Variants in KCNIP1 observed in about 807,000 individuals in gnomAD.
KCNIP1 encodes the protein A-type potassium channel modulatory protein KCNIP1.
KCNIP1 carries 18 observed loss-of-function variants against 33.0 expected under a neutral mutation model. The ratio of observed to expected loss-of-function variants is 0.55; its 90% CI spans 0.38 to 0.81. KCNIP1 has a LOEUF of 0.81. Ranked by LOEUF, KCNIP1 falls within the 30% of genes least tolerant of loss-of-function variation. KCNIP1 has a pLI of 0.00. For synonymous variants in KCNIP1, 93 were observed against 98.3 expected, an observed-to-expected ratio of 0.95 and a Z score of 0.32; for missense variants, 238 against 271.6, an observed-to-expected ratio of 0.88 and a Z score of 0.87.
Position 170,454,916 on chromosome 5 carries a change from C to T in KCNIP1, c.88+100952C>T, listed in dbSNP as rs183802864. Among the ~76,000 whole-genome samples the T allele has an allele frequency of 3.1e-3, 476 of 152,074 alleles. 6 individuals are homozygous for T. Among genetic ancestry groups the T allele is most frequent in the African/African-American group, 0.011 (452 of 41,474 alleles). ...AAAAGAAGAGATAAACCTGGAGTAG[C>T]TATTTCAATGTTAGACAAAATGGAT... is the stretch of plus-strand genomic sequence containing the variant. On this transcript the variant is annotated intron_variant, in intron 1 of 7. Transcript: ENST00000377360.
At chr5:170,558,660 G>GTA (rs1756924926) in intron 1 of KCNIP1, among the ~76,000 whole-genome samples, 1 of 152,178 alleles carries the variant, frequency 6.6e-6, no homozygotes, top group Non-Finnish European at 1.5e-5. Flanking sequence ...CAACCCACCT[G>GTA]TACATTTCCC....
intron 1 of KCNIP1, chr5:170,679,024 A>T (rs1244702358): frequency 3.3e-5 from 5 of 152,212 alleles, no homozygotes; most frequent in African/African-American, 1.2e-4. Flanking sequence ...TAATTATTAC[A>T]CTTGCTAGGG....
intron 1 of KCNIP1, among the ~76,000 whole-genome samples, chr5:170,556,687 G>A (rs1378793846): frequency 1.3e-5 from 2 of 152,228 alleles, no homozygotes; most frequent in Non-Finnish European, 2.9e-5. Flanking sequence ...TGTCTCTTCC[G>A]ATGGTCTCCA....
chr5:170,640,336 C>T (rs935206142), intron 1 of KCNIP1, among the ~76,000 whole-genome samples: 11 of 152,184 alleles, frequency 7.2e-5, no homozygotes, highest in African/African-American at 2.7e-4. Flanking sequence ...AGGGAAGAAA[C>T]CTGTTCAACC....
chr5:170,604,010 G>A (rs1758799604), intron 1 of KCNIP1, among the ~76,000 whole-genome samples: 1 of 152,174 alleles, frequency 6.6e-6, no homozygotes, highest in African/African-American at 2.4e-5. Flanking sequence ...CTGTGAAACT[G>A]GAGAAGAAAA....
intron 1 of KCNIP1, among the ~76,000 whole-genome samples, chr5:170,510,763 G>C (rs1461057083): frequency 6.6e-6 from 1 of 152,160 alleles, no homozygotes; most frequent in Non-Finnish European, 1.5e-5. Flanking sequence ...GCGGTGGGGG[G>C]AAGTAGGAAC....
At position 170,493,045 on chromosome 5, in the gene KCNIP1, G is replaced by A. The variant is rs536218336; in HGVS notation, c.88+139081G>A. On this transcript the variant is annotated intron_variant, in intron 1 of 7. Coordinates refer to the KCNIP1 transcript ENST00000377360. The stretch of plus-strand genomic sequence containing the variant: ...TTACAGGCGTAAGCCACCTCCCCCG[G>A]CCCCTTTCTATGACACCACAGATGG... Among the ~76,000 whole-genome samples, 7 of 152,250 alleles carry A rather than the reference G, an allele frequency of 4.6e-5. No individual in the cohort carries two copies. In the South Asian group the frequency reaches 1.4e-3, roughly 32 times the overall value.
chr5:170,592,507 T>C (rs1212753517), intron 1 of KCNIP1, among the ~76,000 whole-genome samples: 1 of 136,898 alleles, frequency 7.3e-6, no homozygotes, highest in Admixed American at 6.8e-5. Context: ...ACCTACATTA[T>C]TGCACCATAA....
chr5:170,410,504 T>A (rs1755158008), intron 1 of KCNIP1, among the ~76,000 whole-genome samples: 1 of 90,836 alleles, frequency 1.1e-5, no homozygotes, highest in African/African-American at 6.3e-5. Flanking sequence ...GAAGGCTGGC[T>A]TTTTTTTTTT....
chr5:170,691,782 T>C (rs577212089), intron 1 of KCNIP1, among the ~76,000 whole-genome samples: 1 of 152,196 alleles, frequency 6.6e-6, no homozygotes, highest in African/African-American at 2.4e-5. Context: ...CCCCTGAGCG[T>C]TCCTCCTCAG....
intron 1 of KCNIP1, among the ~76,000 whole-genome samples, chr5:170,434,793 T>C (rs1581189413): frequency 6.6e-6 from 1 of 151,874 alleles, no homozygotes. Context: ...CATCTCTACT[T>C]AAAATACAAA....
At chr5:170,529,412 A>T (rs1310813323) in intron 1 of KCNIP1, among the ~76,000 whole-genome samples, 1 of 152,198 alleles carries the variant, frequency 6.6e-6, no homozygotes. Flanking sequence ...CTGGGGACGG[A>T]GGAGTGTTCT....
At chr5:170,705,558 C>A (rs753594246) in intron 1 of KCNIP1, among the ~76,000 whole-genome samples, 1 of 152,146 alleles carries the variant, frequency 6.6e-6, no homozygotes, top group South Asian at 2.1e-4. Context: ...TGTCCACCAC[C>A]CACAGACCCC....
chr5:170,645,008 T>C (rs1760729500), intron 1 of KCNIP1, among the ~76,000 whole-genome samples: 1 of 152,212 alleles, frequency 6.6e-6, no homozygotes, highest in Non-Finnish European at 1.5e-5. Flanking sequence ...ACCTAAGGCT[T>C]CTAGTGCTGG....
At chr5:170,627,037 T>A (rs1034679300) in intron 1 of KCNIP1, among the ~76,000 whole-genome samples, 1 of 152,138 alleles carries the variant, frequency 6.6e-6, no homozygotes, top group Middle Eastern at 3.4e-3. Context: ...CTGGCCGGTG[T>A]TCAGTGGGGC....
At chr5:170,675,221 C>T (rs10475547) in intron 1 of KCNIP1, among the ~76,000 whole-genome samples, 16,127 of 151,860 alleles carry the variant, frequency 0.11, 1,705 homozygotes, top group African/African-American at 0.28. Context: ...ATCACTCGAG[C>T]CCAGGGGGCT....
chr5:170,547,924 C>T lies in KCNIP1; in HGVS notation c.61+43291C>T, dbSNP rs143708293. Among the ~76,000 whole-genome samples, 1,129 of 152,226 alleles carry T rather than the reference C, an allele frequency of 7.4e-3. 20 individuals carry two copies. The highest frequency in any genetic ancestry group is 0.026 in the African/African-American group (1,067 of 41,534). On this transcript the variant is annotated intron_variant, in intron 1 of 7. Transcript: ENST00000328939. ...TCTGGGTCGAATAGTATTTCTGTCT[C>T]TAGGTTTTTGAGAAATCTCCACGCT...
At chr5:170,609,888 C>T (rs1759077087) in intron 1 of KCNIP1, among the ~76,000 whole-genome samples, 1 of 152,038 alleles carries the variant, frequency 6.6e-6, no homozygotes, top group African/African-American at 2.4e-5. Flanking sequence ...ACAAATACTA[C>T]TTTGCTCATT....
At chr5:170,383,580 G>T in intron 1 of KCNIP1, 1 of 1,337,430 alleles carries the variant, frequency 7.5e-7, no homozygotes, top group Non-Finnish European at 1.1e-6. Flanking sequence ...TGGTCAAGTG[G>T]GTTGATCTTT....
Sources: allele counts gnomAD v4.1 joint callset (sites outside exome capture counted in the v4.1 genomes callset), GRCh38; gene constraint gnomAD v4.1.1; transcripts MANE v1.5; gene names NCBI Gene and HGNC (gene_info 2026-07-23, HGNC 2026-07-21).